TACC3: variants seen among roughly 807,000 people sequenced by gnomAD.
TACC3 encodes transforming acidic coiled-coil containing protein 3.
Under a neutral mutation model 86.0 loss-of-function variants are expected in TACC3, and 52 were observed. The ratio of observed to expected loss-of-function variants is 0.60; its 90% CI spans 0.48 to 0.76. TACC3 has a LOEUF of 0.76. TACC3 is among the 30% of genes least tolerant of loss of function. The pLI, the probability that TACC3 is intolerant of heterozygous loss-of-function variation, is 0.00. For missense variants in TACC3, 1,120 were observed against 1,070.4 expected, an observed-to-expected ratio of 1.05 and a Z score of -0.65; for synonymous variants, 512 against 430.0, an observed-to-expected ratio of 1.19 and a Z score of -2.36.
intron 1 of TACC3, 104 bp downstream of exon 1, chr4:1,721,747 C>G (rs1297263000): frequency 6.6e-6 from 1 of 152,218 alleles, no homozygotes; most frequent in African/African-American, 2.4e-5. Context: ...CCGGCCGCCG[C>G]TTTCCCCGGG....
intron 13 of TACC3, among the ~76,000 whole-genome samples, chr4:1,744,060 G>C (rs998666974): frequency 1.3e-5 from 2 of 152,178 alleles, no homozygotes; most frequent in African/African-American, 2.4e-5. Flanking sequence ...CTCAGTCACT[G>C]AGCGGAAGGT....
At chr4:1,734,046 T>A (rs1319697340) in intron 6 of TACC3, among the ~76,000 whole-genome samples, 1 of 151,858 alleles carries the variant, frequency 6.6e-6, no homozygotes, top group Non-Finnish European at 1.5e-5. Context: ...TTTGCTAGAC[T>A]AAATAATTGG....
At position 1,723,531 on chromosome 4, in the gene TACC3, G is replaced by A. The variant is rs763459971; in HGVS notation, c.110G>A (p.Arg37His). 4 of 1,613,704 alleles carry A rather than the reference G, an allele frequency of 2.5e-6. No homozygotes were observed. The highest frequency in any genetic ancestry group is 1.1e-5 in the South Asian group (1 of 91,082). ...PEVTGRSSVL[R>H]VSQKENVPPK... ...GTTACCGGAAGATCGTCTGTTCTTC[G>A]TGTGTCACAGAAAGAAAATGTGCCA... The change falls in exon 2 of 16, where the codon CGT becomes CAT. Residue 37 changes from arginine to histidine, a missense_variant. Coordinates refer to ENST00000313288, the MANE Select transcript of TACC3 (RefSeq NM_006342.3).
intron 4 of TACC3, 88 bp from the exon 5 acceptor site, chr4:1,730,799 G>T: frequency 7.1e-7 from 1 of 1,412,356 alleles, no homozygotes. Flanking sequence ...GCAGTGCAGG[G>T]AAAGGCGATG....
At chr4:1,744,083 G>A (rs985147709) in intron 13 of TACC3, among the ~76,000 whole-genome samples, 1 of 55,124 alleles carries the variant, frequency 1.8e-5, no homozygotes, top group African/African-American at 6.1e-5. Context: ...CCCCAGAGGG[G>A]GCAGCAGCCT....
chr4:1,729,969 C>G (rs1014059327), intron 4 of TACC3, among the ~76,000 whole-genome samples: 1 of 152,250 alleles, frequency 6.6e-6, no homozygotes, highest in African/African-American at 2.4e-5. Context: ...CACACCTCTT[C>G]CGGTCACTTT....
intron 3 of TACC3, 90 bp from the exon 4 acceptor site, chr4:1,727,618 G>A: frequency 6.6e-7 from 1 of 1,514,368 alleles, no homozygotes; most frequent in Non-Finnish European, 8.8e-7. Flanking sequence ...TCTGGTGTGA[G>A]AATGTTAAAC....
chr4:1,744,556 G>C lies in TACC3; in HGVS notation c.2262G>C (p.Leu754=), dbSNP rs547085044. 24 of 1,613,252 alleles carry C rather than the reference G, an allele frequency of 1.5e-5. No homozygotes were observed. Among genetic ancestry groups the C allele is most frequent in the Middle Eastern group, 1.6e-4 (1 of 6,062 alleles). ...TGAAGAAGTGCGTGGAGGATTACCT[G>C]GCAAGGATCACCCAGGAGGGCCAGA... ...ESLKKCVEDY[L]ARITQEGQRY... The change falls in exon 14 of 16, where the codon CTG becomes CTC. Residue 754 remains leucine, a synonymous_variant. Coordinates refer to ENST00000313288, the MANE Select transcript of TACC3 (RefSeq NM_006342.3).
At chr4:1,726,471 T>C (rs1462773762) in intron 3 of TACC3, among the ~76,000 whole-genome samples, 2 of 152,208 alleles carry the variant, frequency 1.3e-5, no homozygotes, top group South Asian at 2.1e-4. Flanking sequence ...GACTGATCTG[T>C]TGGGCATGTC....
chr4:1,739,890 C>T, intron 11 of TACC3, 69 bp from the exon 12 acceptor site: 1 of 1,605,608 alleles, frequency 6.2e-7, no homozygotes, highest in Non-Finnish European at 8.5e-7. Context: ...GTCCCCGTCC[C>T]CATCCCCACC....
chr4:1,740,450 G>A, intron 12 of TACC3: 1 of 304,442 alleles, frequency 3.3e-6, no homozygotes, highest in South Asian at 5.0e-5. Context: ...CTGAGTGTCA[G>A]CCGGCGGCAG....
At chr4:1,738,905 C>T (rs949707336) in intron 10 of TACC3, among the ~76,000 whole-genome samples, 1 of 152,102 alleles carries the variant, frequency 6.6e-6, no homozygotes, top group Non-Finnish European at 1.5e-5. Flanking sequence ...CAGGATGGAG[C>T]AGGTGACCAG....
Position 1,744,532 on chromosome 4 carries a change from G to T in TACC3, c.2238G>T (p.Leu746=), listed in dbSNP as rs1276205413. Reference sequence around the variant, plus strand: ...CCCCTTCCTAGAACGAAGAGTCACTGAAGAAGTGCGTGGAGGATTACCTGG... The same window carrying T: ...CCCCTTCCTAGAACGAAGAGTCACTTAAGAAGTGCGTGGAGGATTACCTGG... The part of the protein sequence containing the change: ...IEGYRKNEES[L]KKCVEDYLAR... The change falls in exon 14 of 16, where the codon CTG becomes CTT. Residue 746 remains leucine, a synonymous_variant. Transcript: ENST00000313288. 6.2e-7 allele frequency: 1 copy of T among 1,612,940 alleles called. No homozygotes were observed. Among genetic ancestry groups the T allele is most frequent in the Non-Finnish European group, 8.5e-7 (1 of 1,179,908 alleles).
intron 11 of TACC3, 53 bp downstream of exon 11, chr4:1,739,831 T>C (rs1718485829): frequency 6.9e-7 from 1 of 1,442,348 alleles, no homozygotes; most frequent in Non-Finnish European, 9.3e-7. Flanking sequence ...TCGCCATCCT[T>C]GTCCCCATCC....
At position 1,744,836 on chromosome 4, in the gene TACC3, G is replaced by GGTGC; in HGVS notation, c.2451+6_2451+9dup. ...GGAGAAGACAGTGGAGCAGAAGGTG[G>GGTGC]GTGCGGGAAGCCCAGCTCAAGGGGC... On this transcript the variant is annotated splice_donor_region_variant and intron_variant, in intron 15 of 15. Transcript: ENST00000313288. 1 of 1,612,976 alleles carries GGTGC rather than the reference G, an allele frequency of 6.2e-7. No homozygotes were observed. Among genetic ancestry groups the GGTGC allele is most frequent in the Non-Finnish European group, 8.5e-7 (1 of 1,180,034 alleles).
In TACC3 at chr4:1,731,294, C is replaced by A. The variant is rs749178571; in HGVS notation, c.1584C>A (p.Pro528=). 6.2e-7 allele frequency: 1 copy of A among 1,613,142 alleles called. No individual in the cohort carries two copies. The highest frequency in any genetic ancestry group is 1.7e-5 in the Admixed American group (1 of 60,028). The change falls in exon 6 of 16, where the codon CCC becomes CCA. Residue 528 remains proline, a synonymous_variant. Coordinates refer to ENST00000313288, the MANE Select transcript of TACC3 (RefSeq NM_006342.3). The part of the protein sequence containing the change: ...LELKEESFRD[P]AEVLGTGAEV... ...TGAAAGAGGAGAGCTTCAGAGACCC[C>A]GCTGAGGGTACGTTGCCTGGCACAG...
In TACC3 at chr4:1,735,641, G is replaced by A. The variant is rs1718219182; in HGVS notation, c.1645-90G>A. ...TGGGAGTGTGCGGGTGACCGGGGGT[G>A]GGAGTGTGCAGGTGACCTCCCTGGC... On this transcript the variant is annotated intron_variant, in intron 7 of 15. Transcript: ENST00000313288. This position sits in a 1 kb window ranked among gnomAD's most constrained non-coding sequence, Gnocchi z 4.2. The A allele has an allele frequency of 5.9e-6, 6 of 1,024,060 alleles. No individual in the cohort carries two copies. Among genetic ancestry groups the A allele is most frequent in the Middle Eastern group, 2.1e-4 (1 of 4,862 alleles). 63.4% of individuals were successfully genotyped at this position (1,024,060 alleles called of 1,614,324 possible).
At chr4:1,725,785 T>C (rs1450346019) in intron 3 of TACC3, among the ~76,000 whole-genome samples, 1 of 152,222 alleles carries the variant, frequency 6.6e-6, no homozygotes. Flanking sequence ...GTCACTGTGG[T>C]GCTCCCACGT....
chr4:1,735,689 G>T lies in TACC3; in HGVS notation c.1645-42G>T. On this transcript the variant is annotated intron_variant, in intron 7 of 15. Coordinates refer to ENST00000313288, the MANE Select transcript of TACC3 (RefSeq NM_006342.3). This position sits in a 1 kb window ranked among gnomAD's most constrained non-coding sequence, Gnocchi z 4.2. ...GGCCCTTAGCCCCCGTGTGTGTTAGGGGATGGCAGTCAGACCTGATCACTT... is the reference window on the plus strand; with the variant it reads ...GGCCCTTAGCCCCCGTGTGTGTTAGTGGATGGCAGTCAGACCTGATCACTT... 1 of 1,511,604 alleles carries T rather than the reference G, an allele frequency of 6.6e-7. No individual in the cohort carries two copies. The allele number at this position is 1,511,604 out of a possible 1,614,324, so 93.6% of individuals were successfully genotyped here.
Sources: gnomAD v4.1 joint callset for allele counts (sites outside exome capture counted in the v4.1 genomes callset) on GRCh38, gnomAD v4.1.1 for gene constraint, Gnocchi (gnomAD v3.1) non-coding constraint, MANE v1.5 for transcripts, NCBI Gene and HGNC (gene_info 2026-07-23, HGNC 2026-07-21) for gene names.